Variants in BMP2 observed in about 807,000 individuals in gnomAD.
BMP2 encodes the protein bone morphogenetic protein 2.
BMP2 carries 2 observed loss-of-function variants against 28.8 expected under a neutral mutation model. The ratio of observed to expected loss-of-function variants is 0.07; its 90% CI spans 0.03 to 0.22. The LOEUF is 0.22. BMP2 is among the 10% of genes least tolerant of loss of function. The probability of loss-of-function intolerance (pLI) is 1.00; values close to 1 mark genes in which losing one functional copy is unlikely to be tolerated. For missense variants in BMP2, 437 were observed against 517.7 expected (o/e 0.84, Z 1.51); for synonymous variants, 218 against 204.3 (o/e 1.07, Z -0.57).
Position 6,779,071 on chromosome 20 carries a change from G to A in BMP2, c.1173G>A (p.Glu391=). Residue 391 remains glutamate, a synonymous_variant, in exon 3 of 3, where the codon GAG becomes GAA. Coordinates refer to ENST00000378827, the MANE Select transcript of BMP2 (RefSeq NM_001200.4). ...AGAACTATCAGGACATGGTTGTGGA[G>A]GGTTGTGGGTGTCGCTAGTACAGCA... ...VLKNYQDMVV[E]GCGCR 2 of 1,605,378 alleles carry A rather than the reference G, an allele frequency of 1.2e-6. No homozygotes were observed. The highest frequency in any genetic ancestry group is 1.7e-5 in the Admixed American group (1 of 59,510).
At chr20:6,771,346 T>A (rs916597959) in intron 2 of BMP2, among the ~76,000 whole-genome samples, 2 of 152,210 alleles carry the variant, frequency 1.3e-5, no homozygotes, top group Non-Finnish European at 2.9e-5. Flanking sequence ...AAAAATATGT[T>A]CCACTTCAAT....
rs556856926 is a variant in BMP2 at position 6,779,471 on chromosome 20, G to C, written c.*382G>C. 1 of 152,462 alleles carries C rather than the reference G, an allele frequency of 6.6e-6. No homozygotes were observed. Among genetic ancestry groups the C allele is most frequent in the Non-Finnish European group, 1.5e-5 (1 of 68,004 alleles). 9.4% of individuals were successfully genotyped at this position (152,462 alleles called of 1,614,324 possible). A position where few individuals can be genotyped will look rare whatever the true frequency, so the allele number is the denominator to read the frequency against. On this transcript the variant is annotated 3_prime_UTR_variant, in exon 3 of 3. Coordinates refer to ENST00000378827, the MANE Select transcript of BMP2 (RefSeq NM_001200.4). Reference sequence around the variant, plus strand: ...TTTATATGTAATCAAAAGAAGTATCGGGTTTGTACATAATTTTCCAAAAAT... The same window carrying C: ...TTTATATGTAATCAAAAGAAGTATCCGGTTTGTACATAATTTTCCAAAAAT...
In BMP2 at chr20:6,770,325, C is replaced by T. The variant is rs757737368; in HGVS notation, c.199C>T (p.Pro67Ser). Residue 67 changes from proline (P) to serine (S), a missense_variant, in exon 2 of 3, where the codon CCC becomes TCC. This residue lies in a region of BMP2 where 363 missense variants were observed against 392.8 expected (regional missense o/e 0.92). Coordinates refer to ENST00000378827, the MANE Select transcript of BMP2 (RefSeq NM_001200.4). ...CAGCATGTTCGGCCTGAAACAGAGA[C>T]CCACCCCCAGCAGGGACGCCGTGGT... is the stretch of plus-strand genomic sequence containing the variant. ...LLSMFGLKQR[P>S]TPSRDAVVPP... The T allele has an allele frequency of 6.2e-7, 1 of 1,613,484 alleles. No homozygotes were observed. The highest frequency in any genetic ancestry group is 1.1e-5 in the South Asian group (1 of 91,072).
intron 2 of BMP2, 59 bp downstream of exon 2, chr20:6,770,531 G>C: frequency 6.7e-7 from 1 of 1,493,562 alleles, no homozygotes; most frequent in Non-Finnish European, 9.0e-7. Context: ...CTCCACCGTG[G>C]GCAGACTGCA....
At chr20:6,773,692 AT>A (rs1253327912) in intron 2 of BMP2, among the ~76,000 whole-genome samples, 1 of 151,614 alleles carries the variant, frequency 6.6e-6, no homozygotes, top group Non-Finnish European at 1.5e-5. Flanking sequence ...CCCTTGTTGT[AT>A]TTTTTTTAAA....
In BMP2 at chr20:6,779,300, G is replaced by A. The variant is rs1986575941; in HGVS notation, c.*211G>A. The A allele has an allele frequency of 5.5e-6, 1 of 183,218 alleles. No individual in the cohort carries two copies. Among genetic ancestry groups the A allele is most frequent in the African/African-American group, 2.4e-5 (1 of 42,196 alleles). 11.3% of individuals were successfully genotyped at this position (183,218 alleles called of 1,614,324 possible). Reference sequence around the variant, plus strand: ...GTTGGGAAAACAAATATTTTAATCAGAGAATTATTCCTTAAAGATTTAAAA... The same window carrying A: ...GTTGGGAAAACAAATATTTTAATCAAAGAATTATTCCTTAAAGATTTAAAA... On this transcript the variant is annotated 3_prime_UTR_variant, in exon 3 of 3. Transcript: ENST00000378827.
rs763354086 is a variant in BMP2, at chr20:6,778,513, A to G, written c.615A>G (p.Glu205=). The G allele has an allele frequency of 6.2e-7, 1 of 1,614,184 alleles. No individual in the cohort carries two copies. The highest frequency in any genetic ancestry group is 8.5e-7 in the Non-Finnish European group (1 of 1,180,036). Reference sequence around the variant, plus strand: ...TGAATCAGAATGCAAGCAGGTGGGAAAGTTTTGATGTCACCCCCGCTGTGA... The same window carrying G: ...TGAATCAGAATGCAAGCAGGTGGGAGAGTTTTGATGTCACCCCCGCTGTGA... ...RLVNQNASRW[E]SFDVTPAVMR... The change falls in exon 3 of 3, where the codon GAA becomes GAG. Residue 205 remains glutamate (E), a synonymous_variant. Transcript: ENST00000378827. This position sits in a 1 kb window ranked among gnomAD's most constrained non-coding sequence, Gnocchi z 5.0.
Position 6,770,103 on chromosome 20 carries a change from G to A in BMP2, c.-7-17G>A, listed in dbSNP as rs1479252673. On this transcript the variant is annotated splice_polypyrimidine_tract_variant and intron_variant, in intron 1 of 2. Transcript: ENST00000378827. The stretch of plus-strand genomic sequence containing the variant: ...TGGGCGGGGAACTCGGGTGACTCAC[G>A]TCGGTCCTGTCCGCAGGTCGACCAT... The A allele has an allele frequency of 2.0e-6, 3 of 1,520,168 alleles. No homozygotes were observed. Among genetic ancestry groups the A allele is most frequent in the Non-Finnish European group, 2.6e-6 (3 of 1,133,342 alleles). The allele number at this position is 1,520,168 out of a possible 1,614,324, so 94.2% of individuals were successfully genotyped here.
chr20:6,778,794 A>G lies in BMP2; in HGVS notation c.896A>G (p.His299Arg), dbSNP rs1407101620. ...CGCCTTAAGTCCAGCTGTAAGAGAC[A>G]CCCTTTGTACGTGGACTTCAGTGAC... Reference protein sequence around the residue: ...RKRLKSSCKRHPLYVDFSDVG... With the variant: ...RKRLKSSCKRRPLYVDFSDVG... The change falls in exon 3 of 3, where the codon CAC becomes CGC. Residue 299 changes from histidine (H) to arginine (R), a missense_variant. His to Arg is a conservative substitution (Grantham distance 29, BLOSUM62 0). Coordinates refer to ENST00000378827, the MANE Select transcript of BMP2 (RefSeq NM_001200.4). The surrounding 1 kb of genome is among the most constrained non-coding windows in gnomAD (Gnocchi z 5.0). 3.7e-6 allele frequency: 6 copies of G among 1,613,900 alleles called. No homozygotes were observed. The highest frequency in any genetic ancestry group is 1.3e-5 in the African/African-American group (1 of 74,856).
In BMP2 at chr20:6,779,028, A is replaced by G. The variant is rs751876723; in HGVS notation, c.1130A>G (p.Asn377Ser). The G allele has an allele frequency of 1.2e-6, 2 of 1,613,726 alleles. No individual in the cohort carries two copies. Among genetic ancestry groups the G allele is most frequent in the Non-Finnish European group, 1.7e-6 (2 of 1,179,916 alleles). ...SAISMLYLDE[N>S]EKVVLKNYQD... ...ATCTCGATGCTGTACCTTGACGAGA[A>G]TGAAAAGGTTGTATTAAAGAACTAT... The change falls in exon 3 of 3, where the codon AAT (asparagine) becomes AGT (serine). Residue 377 changes from asparagine (N) to serine (S), a missense_variant. Coordinates refer to ENST00000378827, the MANE Select transcript of BMP2 (RefSeq NM_001200.4).
chr20:6,778,400 C>A lies in BMP2; in HGVS notation c.502C>A (p.His168Asn), dbSNP rs373168490. The change falls in exon 3 of 3, where the codon CAT (histidine) becomes AAT (asparagine). Residue 168 changes from histidine (H) to asparagine (N), a missense_variant. Physicochemically the swap from His to Asn is moderately conservative, Grantham distance 68. Around this residue, in one of 2 missense-constraint regions of BMP2, gnomAD observed 363 missense variants for 392.8 expected, o/e 0.92. Coordinates refer to ENST00000378827, the MANE Select transcript of BMP2 (RefSeq NM_001200.4). This position sits in a 1 kb window ranked among gnomAD's most constrained non-coding sequence, Gnocchi z 5.0. ...TGCTTTAGGAAACAATAGCAGTTTC[C>A]ATCACCGAATTAATATTTATGAAAT... The part of the protein sequence containing the change: ...QDALGNNSSF[H>N]HRINIYEIIK... 3 of 1,614,064 alleles carry A rather than the reference C, an allele frequency of 1.9e-6. No individual in the cohort carries two copies. In the African/African-American group the frequency reaches 4.0e-5, roughly 22 times the overall value.
In BMP2 at chr20:6,779,038, T is replaced by A; in HGVS notation, c.1140T>A (p.Val380=). Residue 380 remains valine (V), a synonymous_variant, in exon 3 of 3, where the codon GTT becomes GTA. Coordinates refer to ENST00000378827, the MANE Select transcript of BMP2 (RefSeq NM_001200.4). ...TGTACCTTGACGAGAATGAAAAGGT[T>A]GTATTAAAGAACTATCAGGACATGG... ...SMLYLDENEK[V]VLKNYQDMVV... The A allele has an allele frequency of 6.2e-7, 1 of 1,613,418 alleles. No homozygotes were observed. The highest frequency in any genetic ancestry group is 8.5e-7 in the Non-Finnish European group (1 of 1,179,902).
At chr20:6,769,787 G>C (rs748587010) in intron 1 of BMP2, among the ~76,000 whole-genome samples, 10 of 152,096 alleles carry the variant, frequency 6.6e-5, no homozygotes, top group Admixed American at 1.3e-4. Flanking sequence ...GTTTTCCCAG[G>C]TTCCCGGCAT....
chr20:6,773,371 T>A (rs1311267165), intron 2 of BMP2, among the ~76,000 whole-genome samples: 2 of 152,228 alleles, frequency 1.3e-5, no homozygotes, highest in Non-Finnish European at 2.9e-5. Flanking sequence ...TTCATTGTCA[T>A]TACAGAGGCC....
intron 2 of BMP2, 152 bp downstream of exon 2, chr20:6,770,624 T>C (rs1986379805): frequency 2.6e-6 from 2 of 782,022 alleles, no homozygotes; most frequent in Admixed American, 3.0e-5. Flanking sequence ...TGAATCTGAT[T>C]TTAACTCACT....
chr20:6,778,794 A>AC lies in BMP2; in HGVS notation c.899dup (p.Leu301PhefsTer7). On this transcript the variant is annotated frameshift_variant, in exon 3 of 3. Coordinates refer to ENST00000378827, the MANE Select transcript of BMP2 (RefSeq NM_001200.4). LOFTEE classifies it high-confidence loss of function. This position sits in a 1 kb window ranked among gnomAD's most constrained non-coding sequence, Gnocchi z 5.0. ...CGCCTTAAGTCCAGCTGTAAGAGAC[A>AC]CCCTTTGTACGTGGACTTCAGTGAC... is the stretch of plus-strand genomic sequence containing the variant. 1 of 1,614,018 alleles carries AC rather than the reference A, an allele frequency of 6.2e-7. No homozygotes were observed. The highest frequency in any genetic ancestry group is 8.5e-7 in the Non-Finnish European group (1 of 1,179,980).
Position 6,767,926 on chromosome 20 carries a change from C to G in BMP2, c.-957C>G, listed in dbSNP as rs1462682109. ...GCGCGGGCTGGAGCACCCGGCAGAG[C>G]GCGCCACAGCGCCGTGGCCTCTGCT... On this transcript the variant is annotated 5_prime_UTR_variant, in exon 1 of 3. Coordinates refer to ENST00000378827, the MANE Select transcript of BMP2 (RefSeq NM_001200.4). 2.6e-6 allele frequency: 1 copy of G among 388,482 alleles called. No individual in the cohort carries two copies. The highest frequency in any genetic ancestry group is 3.7e-5 in the East Asian group (1 of 27,274). The allele number at this position is 388,482 out of a possible 1,614,324, so 24.1% of individuals were successfully genotyped here.
In BMP2 at chr20:6,778,460, G is replaced by A. The variant is rs551304949; in HGVS notation, c.562G>A (p.Val188Met). The part of the protein sequence containing the change: ...KPATANSKFP[V>M]TRLLDTRLVN... ...TGCAACAGCCAACTCGAAATTCCCC[G>A]TGACCAGACTTTTGGACACCAGGTT... Residue 188 changes from valine to methionine, a missense_variant, in exon 3 of 3, where the codon GTG (valine) becomes ATG (methionine). Coordinates refer to ENST00000378827, the MANE Select transcript of BMP2 (RefSeq NM_001200.4). This position sits in a 1 kb window ranked among gnomAD's most constrained non-coding sequence, Gnocchi z 5.0. 3.3e-5 allele frequency: 53 copies of A among 1,614,130 alleles called. No homozygotes were observed. Among genetic ancestry groups the A allele is most frequent in the South Asian group, 4.4e-5 (4 of 91,084 alleles).
chr20:6,772,482 T>C (rs956698095), intron 2 of BMP2, among the ~76,000 whole-genome samples: 1 of 152,218 alleles, frequency 6.6e-6, no homozygotes, highest in Non-Finnish European at 1.5e-5. Flanking sequence ...TCAAGACTAA[T>C]CATTGTTGTA....
Sources: gnomAD v4.1 joint callset for allele counts (sites outside exome capture counted in the v4.1 genomes callset) on GRCh38, gnomAD v4.1.1 for gene constraint, gnomAD v4.1.1 regional missense constraint, Gnocchi (gnomAD v3.1) non-coding constraint, MANE v1.5 for transcripts, NCBI Gene and HGNC (gene_info 2026-07-23, HGNC 2026-07-21) for gene names.